FBXL17: variants seen among roughly 807,000 people sequenced by gnomAD.
The protein encoded by FBXL17 is F-box/LRR-repeat protein 17.
In FBXL17, 22 loss-of-function variants were observed where a neutral mutation model predicts 66.2. The ratio of observed to expected loss-of-function variants is 0.33; its 90% CI spans 0.24 to 0.47. FBXL17 has a LOEUF of 0.47. Among genes scored for constraint, FBXL17 ranks in the 20% least tolerant of loss-of-function variants. The probability of loss-of-function intolerance (pLI) is 1.00; values close to 1 mark genes in which losing one functional copy is unlikely to be tolerated. For synonymous variants in FBXL17, 474 were observed against 400.5 expected, an observed-to-expected ratio of 1.18 and a Z score of -2.19; for missense variants, 878 against 948.2, an observed-to-expected ratio of 0.93 and a Z score of 0.97.
At chr5:107,996,884 T>C (rs1422460109) in intron 7 of FBXL17, among the ~76,000 whole-genome samples, 1 of 152,208 alleles carries the variant, frequency 6.6e-6, no homozygotes, top group East Asian at 1.9e-4. Flanking sequence ...GAATTTGATT[T>C]CATCATGGTA....
At chr5:107,980,404 T>A (rs952675125) in intron 7 of FBXL17, among the ~76,000 whole-genome samples, 6 of 150,488 alleles carry the variant, frequency 4.0e-5, no homozygotes, top group Non-Finnish European at 4.4e-5. Flanking sequence ...ACTTAATATT[T>A]TTTTTTTTCT....
chr5:108,003,629 A>G (rs1028851181), intron 7 of FBXL17, among the ~76,000 whole-genome samples: 4 of 152,256 alleles, frequency 2.6e-5, no homozygotes, highest in African/African-American at 9.6e-5. Flanking sequence ...ACATGTTACT[A>G]TAAAAAAGAC....
At chr5:108,353,899 T>C (rs745359518) in intron 3 of FBXL17, among the ~76,000 whole-genome samples, 4 of 152,204 alleles carry the variant, frequency 2.6e-5, no homozygotes, top group Non-Finnish European at 5.9e-5. Flanking sequence ...TTTATGAAAG[T>C]TGCATTTCCC....
intron 4 of FBXL17, among the ~76,000 whole-genome samples, chr5:108,337,883 A>G (rs534469159): frequency 8.5e-5 from 13 of 152,226 alleles, no homozygotes; most frequent in African/African-American, 3.1e-4. Flanking sequence ...GTGAATTCAG[A>G]GGAATATATA....
At chr5:108,289,734 T>C (rs1758037444) in intron 4 of FBXL17, among the ~76,000 whole-genome samples, 1 of 152,094 alleles carries the variant, frequency 6.6e-6, no homozygotes, top group South Asian at 2.1e-4. Context: ...TTTCTTAATA[T>C]CTAAGTTCCA....
intron 7 of FBXL17, among the ~76,000 whole-genome samples, chr5:107,955,523 G>A (rs879769122): frequency 5.3e-5 from 8 of 152,170 alleles, no homozygotes; most frequent in Non-Finnish European, 1.0e-4. Flanking sequence ...CTCCAAAGGA[G>A]ATGAATGAGA....
intron 7 of FBXL17, among the ~76,000 whole-genome samples, chr5:107,980,891 G>A (rs1233962239): frequency 6.7e-6 from 1 of 150,040 alleles, no homozygotes; most frequent in African/African-American, 2.5e-5. Context: ...TGATCCGCCC[G>A]CCTCGGCCTC....
chr5:107,888,451 T>A (rs1749045614), intron 7 of FBXL17, among the ~76,000 whole-genome samples: 1 of 152,198 alleles, frequency 6.6e-6, no homozygotes, highest in African/African-American at 2.4e-5. Context: ...CACACAGCTG[T>A]GTGACAGTTT....
At chr5:107,954,315 T>C (rs933779384) in intron 7 of FBXL17, among the ~76,000 whole-genome samples, 1 of 152,230 alleles carries the variant, frequency 6.6e-6, no homozygotes, top group Non-Finnish European at 1.5e-5. Context: ...AAATAAATAC[T>C]TTTCCTGACA....
intron 4 of FBXL17, among the ~76,000 whole-genome samples, chr5:108,309,453 T>C (rs1288997085): frequency 2.6e-5 from 4 of 151,984 alleles, no homozygotes; most frequent in South Asian, 4.1e-4. Flanking sequence ...TATTTTCATC[T>C]TTTTAAAAAC....
intron 5 of FBXL17, among the ~76,000 whole-genome samples, chr5:108,208,960 ATTTG>A (rs1754247962): frequency 6.6e-6 from 1 of 152,056 alleles, no homozygotes; most frequent in Non-Finnish European, 1.5e-5. Flanking sequence ...ATGCTTTTCC[ATTTG>A]TTTGTGTCCT....
chr5:108,120,413 A>C (rs34385), intron 6 of FBXL17, among the ~76,000 whole-genome samples: 75,386 of 152,044 alleles, frequency 0.5, 19,798 homozygotes, highest in South Asian at 0.77. Context: ...TGCATGACAC[A>C]GATAAAAAAA....
chr5:107,961,865 G>A (rs1002659229), intron 7 of FBXL17, among the ~76,000 whole-genome samples: 7 of 151,966 alleles, frequency 4.6e-5, no homozygotes, highest in African/African-American at 1.7e-4. Context: ...TAGGTGAGAG[G>A]GAACACAGGC....
At chr5:108,131,059 A>C (rs1203253524) in intron 6 of FBXL17, among the ~76,000 whole-genome samples, 2 of 152,146 alleles carry the variant, frequency 1.3e-5, no homozygotes, top group African/African-American at 4.8e-5. Context: ...TCTGCTACTG[A>C]AATAAATAAC....
chr5:108,332,408 C>T (rs1760165898), intron 4 of FBXL17, among the ~76,000 whole-genome samples: 1 of 152,032 alleles, frequency 6.6e-6, no homozygotes, highest in African/African-American at 2.4e-5. Flanking sequence ...TTTATAAATG[C>T]TTCCTCCTAA....
intron 7 of FBXL17, among the ~76,000 whole-genome samples, chr5:108,010,432 C>T (rs989303534): frequency 1.3e-5 from 2 of 152,074 alleles, no homozygotes; most frequent in Admixed American, 6.6e-5. Context: ...GCTTTTAGTC[C>T]TTGAATGAGG....
chr5:108,255,165 T>C (rs982372547), intron 4 of FBXL17, among the ~76,000 whole-genome samples: 6 of 152,180 alleles, frequency 3.9e-5, no homozygotes, highest in Non-Finnish European at 5.9e-5. Context: ...CATAATAAAA[T>C]ACATTTTTTG....
At chr5:107,957,412 T>C (rs181301151) in intron 7 of FBXL17, among the ~76,000 whole-genome samples, 184 of 151,970 alleles carry the variant, frequency 1.2e-3, no homozygotes, top group African/African-American at 4.1e-3. Flanking sequence ...TGGCTCCAGG[T>C]CTAATTATAA....
intron 1 of FBXL17, among the ~76,000 whole-genome samples, chr5:108,368,915 T>A (rs1263260592): frequency 7.0e-5 from 10 of 142,930 alleles, no homozygotes; most frequent in South Asian, 2.2e-4. Context: ...TACAAGGATT[T>A]AAAAAAAAAA....
Sources: allele counts gnomAD v4.1 joint callset (sites outside exome capture counted in the v4.1 genomes callset), GRCh38; gene constraint gnomAD v4.1.1; transcripts MANE v1.5; gene names NCBI Gene and HGNC (gene_info 2026-07-23, HGNC 2026-07-21).